Variants in ACSM4 observed in about 807,000 individuals in gnomAD.
ACSM4 encodes acyl-coenzyme A synthetase ACSM4, mitochondrial.
Under a neutral mutation model 73.0 loss-of-function variants are expected in ACSM4, and 66 were observed. That is an observed-to-expected ratio of 0.90 (90% CI 0.74 to 1.11). The LOEUF (loss-of-function observed/expected upper bound fraction) is 1.11. ACSM4 is among the 50% of genes least tolerant of loss of function. The pLI is 0.00. For missense variants in ACSM4, 645 were observed against 714.4 expected, an observed-to-expected ratio of 0.90 and a Z score of 1.11; for synonymous variants, 222 against 254.0, an observed-to-expected ratio of 0.87 and a Z score of 1.20.
rs369078608 is a variant in ACSM4 at position 7,324,537 on chromosome 12, T to C, written c.1475T>C (p.Ile492Thr). 35 of 1,614,008 alleles carry C rather than the reference T, an allele frequency of 2.2e-5. No homozygotes were observed. Among genetic ancestry groups the C allele is most frequent in the Middle Eastern group, 1.6e-4 (1 of 6,062 alleles). The change falls in exon 11 of 13, where the codon ATT becomes ACT. Residue 492 changes from isoleucine to threonine, a missense_variant. Transcript: ENST00000399422. ...CCATTTGAAGTGGAGAGTGCACTCA[T>C]TGAGCATCCAGCAGTTGTTGAATCG... ...IGPFEVESALIEHPAVVESAV... is the reference protein window; with the variant it reads ...IGPFEVESALTEHPAVVESAV...
chr12:7,318,152 G>A lies in ACSM4; in HGVS notation c.891G>A (p.Met297Ile). 1.9e-6 allele frequency: 3 copies of A among 1,613,586 alleles called. No individual in the cohort carries two copies. Among genetic ancestry groups the A allele is most frequent in the Middle Eastern group, 3.4e-4 (2 of 5,836 alleles). Residue 297 changes from methionine to isoleucine, a missense_variant, in exon 5 of 13, where the codon ATG becomes ATA. Physicochemically the swap from Met to Ile is conservative, Grantham distance 10. Coordinates refer to ENST00000399422, the MANE Select transcript of ACSM4 (RefSeq NM_001080454.2). ...LCGACVFVHR[M>I]AQFDTDTFLD... is the part of the protein sequence containing the mutation. ...GAGCCTGTGTTTTTGTGCATCGAATGGCACAGTTTGACACTGACACCTTCC... is the reference window on the plus strand; with the variant it reads ...GAGCCTGTGTTTTTGTGCATCGAATAGCACAGTTTGACACTGACACCTTCC...
intron 5 of ACSM4, 33 bp from the exon 6 acceptor site, chr12:7,320,692 C>A (rs775589498): frequency 6.3e-7 from 1 of 1,575,280 alleles, no homozygotes; most frequent in South Asian, 1.1e-5. Context: ...TGAATGACCA[C>A]TTCTGACATC....
intron 3 of ACSM4, among the ~76,000 whole-genome samples, chr12:7,311,782 C>T (rs184720196): frequency 7.9e-5 from 12 of 152,208 alleles, no homozygotes; most frequent in Non-Finnish European, 1.5e-4. Context: ...CCTCCACCTC[C>T]GGGTTAAAGT....
In ACSM4 at chr12:7,327,110, C is replaced by A; in HGVS notation, c.1656+15C>A. The A allele has an allele frequency of 6.3e-7, 1 of 1,584,706 alleles. No homozygotes were observed. ...ATCCAAGAAAGGCAAGTGCTTTGCCCAAAAGTTAAGTTTGGATGTTACCAA... is the reference window on the plus strand; with the variant it reads ...ATCCAAGAAAGGCAAGTGCTTTGCCAAAAAGTTAAGTTTGGATGTTACCAA... On this transcript the variant is annotated intron_variant, in intron 12 of 12. Transcript: ENST00000399422.
chr12:7,312,796 G>GTAAT (rs570533756), intron 3 of ACSM4, among the ~76,000 whole-genome samples: 1 of 152,048 alleles, frequency 6.6e-6, no homozygotes, highest in Non-Finnish European at 1.5e-5. Flanking sequence ...TAAATATCTA[G>GTAAT]TAATTATAAC....
At chr12:7,312,198 T>C (rs761183576) in intron 3 of ACSM4, among the ~76,000 whole-genome samples, 10 of 152,352 alleles carry the variant, frequency 6.6e-5, no homozygotes, top group African/African-American at 2.4e-4. Flanking sequence ...TTTGTTTGGT[T>C]GATCTTCCTG....
chr12:7,310,476 A>G, intron 2 of ACSM4, 63 bp from the exon 3 acceptor site: 2 of 1,494,074 alleles, frequency 1.3e-6, no homozygotes, highest in Non-Finnish European at 1.8e-6. Flanking sequence ...CCGAGGCACA[A>G]AGCCCAAGTC....
chr12:7,313,482 G>A (rs1382675730), intron 3 of ACSM4, among the ~76,000 whole-genome samples: 1 of 152,128 alleles, frequency 6.6e-6, no homozygotes, highest in Non-Finnish European at 1.5e-5. Flanking sequence ...TGTTAGAGTT[G>A]ATCTTTTATT....
Position 7,323,527 on chromosome 12 carries a change from T to TAC in ACSM4, c.1278_1279dup (p.Arg427HisfsTer21), listed in dbSNP as rs748693975. ...GGGAAATTGCCCTCAGACTCAAACCTACACGGCCCTTCTGTTTCTTCTCTA... is the reference window on the plus strand; with the variant it reads ...GGGAAATTGCCCTCAGACTCAAACCTACACACGGCCCTTCTGTTTCTTCTCTA... On this transcript the variant is annotated frameshift_variant, in exon 9 of 13. Transcript: ENST00000399422. LOFTEE classifies it high-confidence loss of function. 9.3e-6 allele frequency: 15 copies of TAC among 1,613,750 alleles called. No homozygotes were observed. The highest frequency in any genetic ancestry group is 1.0e-5 in the Non-Finnish European group (12 of 1,179,770).
intron 3 of ACSM4, among the ~76,000 whole-genome samples, chr12:7,311,999 G>A (rs1209987661): frequency 6.6e-6 from 1 of 152,092 alleles, no homozygotes; most frequent in Admixed American, 6.6e-5. Context: ...CTCTGTTTTT[G>A]TAAATAAAGT....
chr12:7,315,319 A>G (rs1350308544), intron 3 of ACSM4, among the ~76,000 whole-genome samples: 1 of 152,176 alleles, frequency 6.6e-6, no homozygotes, highest in Admixed American at 6.5e-5. Context: ...AATTAAAAAT[A>G]TGATACACCA....
At chr12:7,321,570 CT>C (rs1421689757) in intron 6 of ACSM4, among the ~76,000 whole-genome samples, 2 of 152,222 alleles carry the variant, frequency 1.3e-5, no homozygotes, top group Admixed American at 6.5e-5. Flanking sequence ...ACATCAGCAT[CT>C]TGTTCACATT....
intron 2 of ACSM4, among the ~76,000 whole-genome samples, chr12:7,308,434 G>A (rs1334184608): frequency 6.6e-6 from 1 of 152,144 alleles, no homozygotes; most frequent in East Asian, 1.9e-4. Context: ...TCTTCAATGA[G>A]AATATTGAAA....
Position 7,328,526 on chromosome 12 carries a change from G to A in ACSM4, c.*153G>A. The A allele has an allele frequency of 2.1e-6, 1 of 477,010 alleles. No homozygotes were observed. Among genetic ancestry groups the A allele is most frequent in the Non-Finnish European group, 3.5e-6 (1 of 289,534 alleles). The allele number at this position is 477,010 out of a possible 1,614,324, so 29.5% of individuals were successfully genotyped here. ...TTTTTGGTTTTTACTTAGCTAAAAA[G>A]TTTAAAAGTAAATAAAAGCCTCAAA... On this transcript the variant is annotated 3_prime_UTR_variant, in exon 13 of 13. Coordinates refer to ENST00000399422, the MANE Select transcript of ACSM4 (RefSeq NM_001080454.2).
Position 7,324,201 on chromosome 12 carries a change from G to C in ACSM4, c.1309-72G>C, listed in dbSNP as rs1034263508. The C allele has an allele frequency of 4.5e-6, 7 of 1,551,006 alleles. No homozygotes were observed. The African/African-American group carries it at 8.2e-5, about 18-fold the overall frequency. Reference sequence around the variant, plus strand: ...TATAAGTAGGATGTGTAATGTACTAGTCACTTAATGAGTGCCATACCCATC... The same window carrying C: ...TATAAGTAGGATGTGTAATGTACTACTCACTTAATGAGTGCCATACCCATC... On this transcript the variant is annotated intron_variant, in intron 9 of 12. Coordinates refer to ENST00000399422, the MANE Select transcript of ACSM4 (RefSeq NM_001080454.2).
chr12:7,310,526 C>G lies in ACSM4; in HGVS notation c.413-13C>G, dbSNP rs113742037. 6.3e-7 allele frequency: 1 copy of G among 1,595,330 alleles called. No homozygotes were observed. Among genetic ancestry groups the G allele is most frequent in the Non-Finnish European group, 8.5e-7 (1 of 1,172,932 alleles). ...GCAGTTCTGTTCAGTGCAGGGCCCTCTGTCCTTCCCAGGGATCATCTTCAT... is the reference window on the plus strand; with the variant it reads ...GCAGTTCTGTTCAGTGCAGGGCCCTGTGTCCTTCCCAGGGATCATCTTCAT... On this transcript the variant is annotated splice_polypyrimidine_tract_variant and intron_variant, in intron 2 of 12. Transcript: ENST00000399422.
Position 7,310,555 on chromosome 12 carries a change from G to T in ACSM4, c.429G>T (p.Pro143=). ...ACIRTGIIFM[P]GTIQLTAKDI... is the part of the protein sequence containing the mutation. Reference sequence around the variant, plus strand: ...CCTTCCCAGGGATCATCTTCATGCCGGGAACAATCCAGCTGACAGCAAAAG... The same window carrying T: ...CCTTCCCAGGGATCATCTTCATGCCTGGAACAATCCAGCTGACAGCAAAAG... The change falls in exon 3 of 13, where the codon CCG becomes CCT. Residue 143 remains proline (P), a synonymous_variant. Transcript: ENST00000399422. 1 of 1,607,222 alleles carries T rather than the reference G, an allele frequency of 6.2e-7. No homozygotes were observed. Among genetic ancestry groups the T allele is most frequent in the Non-Finnish European group, 8.5e-7 (1 of 1,177,778 alleles).
intron 3 of ACSM4, among the ~76,000 whole-genome samples, chr12:7,312,291 A>T (rs11050248): frequency 0.19 from 29,266 of 152,182 alleles, 3,721 homozygotes; most frequent in East Asian, 0.49. Flanking sequence ...TTTCCTCATA[A>T]GTAAAATGGG....
chr12:7,312,275 T>A (rs2136330378), intron 3 of ACSM4, among the ~76,000 whole-genome samples: 1 of 152,356 alleles, frequency 6.6e-6, no homozygotes, highest in Non-Finnish European at 1.5e-5. Flanking sequence ...AGATCACAAC[T>A]GCAGTTTTCC....
Sources: gnomAD v4.1 joint callset for allele counts (sites outside exome capture counted in the v4.1 genomes callset) on GRCh38, gnomAD v4.1.1 for gene constraint, MANE v1.5 for transcripts, NCBI Gene and HGNC (gene_info 2026-07-23, HGNC 2026-07-21) for gene names.